FGF7: variants seen among roughly 807,000 people sequenced by gnomAD.
FGF7 encodes the protein FGF-7.
FGF7 carries 6 observed loss-of-function variants against 20.5 expected under a neutral mutation model. That is an observed-to-expected ratio of 0.29 (90% CI 0.16 to 0.58). The LOEUF (loss-of-function observed/expected upper bound fraction) is 0.58. FGF7 is among the 20% of genes least tolerant of loss of function. The probability of loss-of-function intolerance (pLI) is 0.90; values close to 1 mark genes in which losing one functional copy is unlikely to be tolerated. For missense variants in FGF7, 144 were observed against 228.8 expected (o/e 0.63, Z 2.39); for synonymous variants, 64 against 74.7 (o/e 0.86, Z 0.74).
chr15:49,464,796 A>C (rs1449138416), intron 2 of FGF7, among the ~76,000 whole-genome samples: 1 of 152,342 alleles, frequency 6.6e-6, no homozygotes, highest in Middle Eastern at 3.4e-3. Flanking sequence ...GTGCATCTAC[A>C]TCTGGAAGAC....
intron 2 of FGF7, among the ~76,000 whole-genome samples, chr15:49,445,674 AAAAT>A (rs1197401491): frequency 2.6e-5 from 4 of 151,640 alleles, no homozygotes; most frequent in Non-Finnish European, 4.4e-5. Flanking sequence ...TTGAAAGAAA[AAAAT>A]AAAATATAGA....
chr15:49,475,474 GA>G (rs2055178080), intron 2 of FGF7, among the ~76,000 whole-genome samples: 1 of 152,084 alleles, frequency 6.6e-6, no homozygotes, highest in Non-Finnish European at 1.5e-5. Flanking sequence ...GGGAGCCTGT[GA>G]AAATTTCAAA....
At chr15:49,471,825 A>G (rs920304098) in intron 2 of FGF7, among the ~76,000 whole-genome samples, 3 of 152,108 alleles carry the variant, frequency 2.0e-5, no homozygotes, top group African/African-American at 4.8e-5. Flanking sequence ...TGACACGTGT[A>G]TCAAGATCTA....
intron 2 of FGF7, among the ~76,000 whole-genome samples, chr15:49,454,518 A>G (rs1471711335): frequency 6.6e-6 from 1 of 152,222 alleles, no homozygotes; most frequent in Non-Finnish European, 1.5e-5. Flanking sequence ...ATGAGAAAAC[A>G]TTGGTTCCAC....
chr15:49,481,097 G>A (rs2055902017), intron 2 of FGF7, among the ~76,000 whole-genome samples: 1 of 152,138 alleles, frequency 6.6e-6, no homozygotes, highest in African/African-American at 2.4e-5. Context: ...GGAATGGCAG[G>A]AGTAAAGAGA....
chr15:49,478,013 T>C (rs1274270084), intron 2 of FGF7, among the ~76,000 whole-genome samples: 2 of 152,188 alleles, frequency 1.3e-5, no homozygotes, highest in Non-Finnish European at 2.9e-5. Flanking sequence ...GAGGTATGAT[T>C]GCTCCCATCA....
chr15:49,479,345 G>A lies in FGF7; in HGVS notation c.287-3806G>A, dbSNP rs538327613. 2.1e-3 allele frequency among the ~76,000 whole-genome samples: 316 copies of A among 151,942 alleles called. 1 individual carries two copies. Among genetic ancestry groups the A allele is most frequent in the Middle Eastern group, 0.01 (3 of 292 alleles). The stretch of plus-strand genomic sequence containing the variant: ...CTATGTAATATGCTTTAAATCTTTG[G>A]AAATAAATTTACTGGGTACTACTTA... On this transcript the variant is annotated intron_variant, in intron 2 of 3. Transcript: ENST00000267843.
rs1236708153 is a variant in FGF7, at chr15:49,424,525, C to T, written c.228C>T (p.Tyr76=). The change falls in exon 2 of 4, where the codon TAC becomes TAT. Residue 76 remains tyrosine (Y), a synonymous_variant. Transcript: ENST00000267843. Reference sequence around the variant, plus strand: ...GACTCTTCTGTCGAACACAGTGGTACCTGAGGATCGATAAAAGAGGCAAAG... The same window carrying T: ...GACTCTTCTGTCGAACACAGTGGTATCTGAGGATCGATAAAAGAGGCAAAG... ...VRRLFCRTQW[Y]LRIDKRGKVK... is the part of the protein sequence containing the mutation. 14 of 1,608,672 alleles carry T rather than the reference C, an allele frequency of 8.7e-6. No homozygotes were observed. The highest frequency in any genetic ancestry group is 1.3e-5 in the African/African-American group (1 of 74,640).
intron 2 of FGF7, among the ~76,000 whole-genome samples, chr15:49,447,083 A>G (rs961576434): frequency 1.3e-5 from 2 of 151,482 alleles, no homozygotes; most frequent in African/African-American, 4.8e-5. Context: ...ACACTGAATA[A>G]AATCATGTTA....
chr15:49,455,411 C>T (rs1214946630), intron 2 of FGF7, among the ~76,000 whole-genome samples: 1 of 151,954 alleles, frequency 6.6e-6, no homozygotes, highest in Non-Finnish European at 1.5e-5. Flanking sequence ...GCATAAAACC[C>T]CAGCATTTTT....
intron 2 of FGF7, among the ~76,000 whole-genome samples, chr15:49,479,604 T>TTTGTTTG: frequency 1.5e-5 from 1 of 68,380 alleles, no homozygotes; most frequent in African/African-American, 6.4e-5. Context: ...CCTCTGTTTT[T>TTTGTTTG]TTTTTTTTTT....
At chr15:49,449,399 T>A (rs1192521329) in intron 2 of FGF7, among the ~76,000 whole-genome samples, 1 of 152,040 alleles carries the variant, frequency 6.6e-6, no homozygotes, top group African/African-American at 2.4e-5. Context: ...TTTAATCTTA[T>A]CTTCTCTAGG....
chr15:49,433,261 T>C (rs983389192), intron 2 of FGF7, among the ~76,000 whole-genome samples: 5 of 151,696 alleles, frequency 3.3e-5, no homozygotes, highest in African/African-American at 9.7e-5. Flanking sequence ...CCTTGTCTTA[T>C]GATTCTTTCT....
intron 2 of FGF7, among the ~76,000 whole-genome samples, chr15:49,481,836 T>G (rs998323188): frequency 2.6e-5 from 4 of 152,182 alleles, no homozygotes; most frequent in African/African-American, 9.6e-5. Flanking sequence ...GGACGAGCTC[T>G]GACTAGTGTT....
At chr15:49,464,892 G>GT (rs2054126666) in intron 2 of FGF7, among the ~76,000 whole-genome samples, 2 of 152,054 alleles carry the variant, frequency 1.3e-5, no homozygotes, top group African/African-American at 4.8e-5. Context: ...AATGAATAAC[G>GT]TAAGACATAC....
intron 2 of FGF7, among the ~76,000 whole-genome samples, chr15:49,446,671 T>C (rs2052249695): frequency 6.6e-6 from 1 of 151,550 alleles, no homozygotes; most frequent in African/African-American, 2.4e-5. Flanking sequence ...TGGGGATCTC[T>C]GTCCTGTCTA....
rs200614105 is a variant in FGF7, at chr15:49,457,959, T to C, written c.287-25192T>C. The stretch of plus-strand genomic sequence containing the variant: ...ATTAAGCCTTTACTGATGTTATTTA[T>C]CTTTCGTTAGGCATCACTTTCTTGA... On this transcript the variant is annotated intron_variant, in intron 2 of 3. Coordinates refer to ENST00000267843, the MANE Select transcript of FGF7 (RefSeq NM_002009.4). Among the ~76,000 whole-genome samples, 10 of 152,114 alleles carry C rather than the reference T, an allele frequency of 6.6e-5. No homozygotes were observed. In the East Asian group the frequency reaches 1.9e-3, roughly 29 times the overall value.
intron 2 of FGF7, among the ~76,000 whole-genome samples, chr15:49,449,541 G>T (rs977414368): frequency 6.6e-6 from 1 of 151,858 alleles, no homozygotes; most frequent in Admixed American, 6.6e-5. Flanking sequence ...GCACAGGGTG[G>T]GGCCAGAATC....
chr15:49,475,710 G>A (rs1390079873), intron 2 of FGF7, among the ~76,000 whole-genome samples: 2 of 151,982 alleles, frequency 1.3e-5, no homozygotes, highest in African/African-American at 2.4e-5. Context: ...CAGCTGGGGC[G>A]GGCACGGTGG....
Sources: gnomAD v4.1 joint callset for allele counts (sites outside exome capture counted in the v4.1 genomes callset) on GRCh38, gnomAD v4.1.1 for gene constraint, MANE v1.5 for transcripts, NCBI Gene and HGNC (gene_info 2026-07-23, HGNC 2026-07-21) for gene names.